CNTNAP2: variants seen among roughly 807,000 people sequenced by gnomAD.
CNTNAP2 encodes contactin-associated protein-like 2.
CNTNAP2 carries 98 observed loss-of-function variants against 155.2 expected under a neutral mutation model. The ratio of observed to expected loss-of-function variants is 0.63; its 90% CI spans 0.54 to 0.75. The LOEUF (loss-of-function observed/expected upper bound fraction) is 0.75, where lower values mean the gene tolerates loss of function less well. Among genes scored for constraint, CNTNAP2 ranks in the 30% least tolerant of loss-of-function variants. CNTNAP2 has a pLI of 0.00. For synonymous variants in CNTNAP2, 651 were observed against 631.2 expected, an observed-to-expected ratio of 1.03 and a Z score of -0.47; for missense variants, 1,727 against 1,688.1, an observed-to-expected ratio of 1.02 and a Z score of -0.40.
intron 13 of CNTNAP2, among the ~76,000 whole-genome samples, chr7:147,660,389 C>T (rs1795591463): frequency 6.6e-6 from 1 of 152,144 alleles, no homozygotes; most frequent in Admixed American, 6.6e-5. Flanking sequence ...AGCCCAAGGT[C>T]TACATATCTT....
rs1013059656 is a variant in CNTNAP2, at chr7:148,420,077, A to G, written c.*4461A>G. The G allele has an allele frequency of 6.6e-6, 1 of 152,246 alleles. No individual in the cohort carries two copies. Among genetic ancestry groups the G allele is most frequent in the Non-Finnish European group, 1.5e-5 (1 of 68,048 alleles). The allele number at this position is 152,246 out of a possible 1,614,324, so 9.4% of individuals were successfully genotyped here. ...GTTCAGGAATTGGAGACTTACTGGC[A>G]TGGCTCTACAGCTGCTCAGTTATTA... On this transcript the variant is annotated 3_prime_UTR_variant, in exon 24 of 24. Coordinates refer to ENST00000361727, the MANE Select transcript of CNTNAP2 (RefSeq NM_014141.6).
intron 5 of CNTNAP2, 120 bp from the exon 6 acceptor site, chr7:147,120,859 C>G (rs567302988): frequency 3.3e-6 from 3 of 917,796 alleles, no homozygotes; most frequent in Non-Finnish European, 5.2e-6. Context: ...CAGGTTAACT[C>G]GAATGGATAG....
intron 1 of CNTNAP2, among the ~76,000 whole-genome samples, chr7:146,124,229 C>A (rs1184890106): frequency 6.6e-6 from 1 of 151,932 alleles, no homozygotes; most frequent in Non-Finnish European, 1.5e-5. Flanking sequence ...CACATGTATC[C>A]CAGAACTTAA....
At chr7:146,186,888 T>C (rs1329257038) in intron 1 of CNTNAP2, among the ~76,000 whole-genome samples, 2 of 152,150 alleles carry the variant, frequency 1.3e-5, no homozygotes, top group African/African-American at 4.8e-5. Context: ...GAATGCATAA[T>C]GCATTCAAAC....
chr7:147,139,833 G>A (rs945113594), intron 8 of CNTNAP2, among the ~76,000 whole-genome samples: 2 of 151,970 alleles, frequency 1.3e-5, no homozygotes, highest in Admixed American at 1.3e-4. Context: ...CTTCATCAAG[G>A]TTTTTCACAA....
In CNTNAP2 at chr7:146,278,452, A is replaced by T. The variant is rs115190971; in HGVS notation, c.97+161479A>T. Among the ~76,000 whole-genome samples the T allele has an allele frequency of 4.4e-3, 671 of 152,328 alleles. 4 individuals are homozygous for T. Among genetic ancestry groups the T allele is most frequent in the African/African-American group, 0.015 (638 of 41,570 alleles). Reference sequence around the variant, plus strand: ...ATCAAAGGAGAAGAAAAGTTTAAAAAATATATGTGAAAATAATCTATAAAA... The same window carrying T: ...ATCAAAGGAGAAGAAAAGTTTAAAATATATATGTGAAAATAATCTATAAAA... On this transcript the variant is annotated intron_variant, in intron 1 of 23. Coordinates refer to ENST00000361727, the MANE Select transcript of CNTNAP2 (RefSeq NM_014141.6).
At chr7:147,150,293 G>T (rs918567709) in intron 8 of CNTNAP2, among the ~76,000 whole-genome samples, 3 of 152,092 alleles carry the variant, frequency 2.0e-5, no homozygotes, top group Non-Finnish European at 4.4e-5. Flanking sequence ...TTTGGTAAGA[G>T]GAGGAAAAGC....
intron 3 of CNTNAP2, among the ~76,000 whole-genome samples, chr7:146,914,571 G>A (rs1796356622): frequency 1.3e-5 from 2 of 151,754 alleles, no homozygotes; most frequent in African/African-American, 2.4e-5. Context: ...ATTTTTTCAT[G>A]TGTTTGTTAG....
At chr7:148,413,434 ATATATATATATATT>A (rs1286533203) in intron 23 of CNTNAP2, among the ~76,000 whole-genome samples, 4 of 103,880 alleles carry the variant, frequency 3.9e-5, no homozygotes, top group African/African-American at 1.5e-4. Flanking sequence ...ATATATATAT[ATATATATATATATT>A]GCTCCATAGT....
intron 3 of CNTNAP2, among the ~76,000 whole-genome samples, chr7:147,042,069 T>C (rs1407375697): frequency 2.0e-5 from 3 of 152,230 alleles, no homozygotes; most frequent in Non-Finnish European, 4.4e-5. Context: ...TTAGAAATTG[T>C]TTTTCTGATG....
At chr7:146,190,779 C>A (rs1218435599) in intron 1 of CNTNAP2, among the ~76,000 whole-genome samples, 3 of 152,018 alleles carry the variant, frequency 2.0e-5, no homozygotes, top group East Asian at 1.9e-4. Flanking sequence ...TGACAGTGAC[C>A]ATTTAATACA....
intron 1 of CNTNAP2, among the ~76,000 whole-genome samples, chr7:146,119,532 T>C (rs1006293690): frequency 2.0e-5 from 3 of 152,116 alleles, no homozygotes; most frequent in African/African-American, 7.2e-5. Flanking sequence ...ATCGTGTATC[T>C]TCCCTTCCTG....
At chr7:148,199,796 T>C (rs1795338629) in intron 18 of CNTNAP2, among the ~76,000 whole-genome samples, 1 of 152,208 alleles carries the variant, frequency 6.6e-6, no homozygotes. Flanking sequence ...GGTTTCTTAA[T>C]GGAAATTGGC....
chr7:147,487,292 C>T (rs1037051094), intron 11 of CNTNAP2, among the ~76,000 whole-genome samples: 3 of 152,090 alleles, frequency 2.0e-5, no homozygotes, highest in African/African-American at 7.2e-5. Context: ...ATACTAGATT[C>T]ATTATCTGTG....
At chr7:147,417,363 G>A (rs1797212421) in intron 10 of CNTNAP2, among the ~76,000 whole-genome samples, 1 of 152,182 alleles carries the variant, frequency 6.6e-6, no homozygotes, top group African/African-American at 2.4e-5. Flanking sequence ...GGTCATGGAT[G>A]GCCATCTTCT....
At chr7:147,443,986 C>T (rs1203822987) in intron 10 of CNTNAP2, among the ~76,000 whole-genome samples, 1 of 152,166 alleles carries the variant, frequency 6.6e-6, no homozygotes, top group East Asian at 1.9e-4. Context: ...GGATCTCAGT[C>T]TCCTATGCAC....
chr7:147,158,680 G>A (rs1003131563), intron 8 of CNTNAP2, among the ~76,000 whole-genome samples: 5 of 152,022 alleles, frequency 3.3e-5, no homozygotes, highest in South Asian at 2.1e-4. Flanking sequence ...AAAAGCACTG[G>A]AAACGCCTAA....
intron 1 of CNTNAP2, among the ~76,000 whole-genome samples, chr7:146,770,512 A>G (rs943292489): frequency 2.0e-5 from 3 of 152,012 alleles, no homozygotes; most frequent in African/African-American, 7.2e-5. Flanking sequence ...AGAATGTGAG[A>G]TTGCTGGTGC....
chr7:148,048,216 A>G (rs1419209631), intron 15 of CNTNAP2, among the ~76,000 whole-genome samples: 1 of 149,616 alleles, frequency 6.7e-6, no homozygotes, highest in Non-Finnish European at 1.5e-5. Context: ...GAGCCACCAC[A>G]CCCAGCCACT....
Sources: gnomAD v4.1 joint callset for allele counts (sites outside exome capture counted in the v4.1 genomes callset) on GRCh38, gnomAD v4.1.1 for gene constraint, MANE v1.5 for transcripts, NCBI Gene and HGNC (gene_info 2026-07-23, HGNC 2026-07-21) for gene names.